The following FRMD3 variants were observed in gnomAD, a reference collection of about 807,000 sequenced individuals.
FRMD3 encodes FERM domain containing 3.
Under a neutral mutation model 70.2 loss-of-function variants are expected in FRMD3, and 33 were observed. That is an observed-to-expected ratio of 0.47 (90% CI 0.36 to 0.63). The LOEUF (loss-of-function observed/expected upper bound fraction) is 0.63. Among genes scored for constraint, FRMD3 ranks in the 20% least tolerant of loss-of-function variants. The pLI is 0.00. For synonymous variants in FRMD3, 279 were observed against 255.9 expected, an observed-to-expected ratio of 1.09 and a Z score of -0.86; for missense variants, 632 against 711.4, an observed-to-expected ratio of 0.89 and a Z score of 1.27.
At chr9:83,402,242 C>T (rs1401267151) in intron 1 of FRMD3, among the ~76,000 whole-genome samples, 2 of 148,422 alleles carry the variant, frequency 1.3e-5, no homozygotes, top group African/African-American at 2.5e-5. Context: ...TCTTAACGCC[C>T]CAGGAGCCTA....
chr9:83,273,609 T>TAAAAAAAAAAAAAAAAAAA (rs899879607), intron 13 of FRMD3, among the ~76,000 whole-genome samples: 2 of 71,334 alleles, frequency 2.8e-5, no homozygotes, highest in African/African-American at 5.3e-5. Flanking sequence ...CAATAAATAC[T>TAAAAAAAAAAAAAAAAAAA]AAAAAAAAAA....
intron 1 of FRMD3, among the ~76,000 whole-genome samples, chr9:83,478,591 A>G (rs1378877179): frequency 2.0e-4 from 31 of 152,170 alleles, no homozygotes; most frequent in Non-Finnish European, 2.9e-5. Context: ...ACAGTATGGC[A>G]CTTCCTCAAA....
At chr9:83,508,879 A>G (rs1829267178) in intron 1 of FRMD3, among the ~76,000 whole-genome samples, 1 of 152,116 alleles carries the variant, frequency 6.6e-6, no homozygotes, top group Non-Finnish European at 1.5e-5. Flanking sequence ...GGCCAAGTCT[A>G]AAATGTGTAC....
At chr9:83,390,268 TG>T (rs1825631301) in intron 1 of FRMD3, among the ~76,000 whole-genome samples, 1 of 152,226 alleles carries the variant, frequency 6.6e-6, no homozygotes. Context: ...CTGCAGTATG[TG>T]GGCTCCTTCC....
the FRMD3 span, among the ~76,000 whole-genome samples, chr9:83,575,334 T>C: frequency 2.6e-5 from 4 of 152,204 alleles, no homozygotes; most frequent in African/African-American, 9.6e-5. Flanking sequence ...TCCAGTCAGC[T>C]TCACTGATAC....
chr9:83,386,330 G>C (rs113061249), intron 2 of FRMD3, among the ~76,000 whole-genome samples: 145 of 152,310 alleles, frequency 9.5e-4, no homozygotes, highest in African/African-American at 2.7e-3. Context: ...ATAATGCAGA[G>C]AGAAGTATTC....
chr9:83,490,629 C>CA (rs1209187976), intron 1 of FRMD3, among the ~76,000 whole-genome samples: 2 of 151,830 alleles, frequency 1.3e-5, no homozygotes, highest in African/African-American at 4.8e-5. Context: ...CTATTTGGCA[C>CA]AAAAAAGATT....
intron 1 of FRMD3, among the ~76,000 whole-genome samples, chr9:83,483,768 G>C (rs1202613835): frequency 6.6e-6 from 1 of 152,144 alleles, no homozygotes; most frequent in Non-Finnish European, 1.5e-5. Flanking sequence ...GCTGAGGTGG[G>C]AGGATCACTT....
upstream of FRMD3, among the ~76,000 whole-genome samples, chr9:83,540,207 C>A (rs912501889): frequency 1.6e-4 from 25 of 152,180 alleles, no homozygotes; most frequent in African/African-American, 6.0e-4. Context: ...ACTGGATCAT[C>A]TCTGCTAGCC....
rs554110729 is a variant in FRMD3 at position 83,345,828 on chromosome 9, A to G, written c.375-2541T>C. On this transcript the variant is annotated intron_variant, in intron 4 of 13. Transcript: ENST00000304195. ...GGGGATGCTGTGGTGCAGCTCCATC[A>G]GCCACACTTTGAGTAATAAGGTTCT... Among the ~76,000 whole-genome samples the G allele has an allele frequency of 7.2e-5, 11 of 152,306 alleles. No homozygotes were observed. In the East Asian group the frequency reaches 2.1e-3, roughly 29 times the overall value.
chr9:83,280,344 C>T (rs1833932010), intron 13 of FRMD3, among the ~76,000 whole-genome samples: 1 of 152,170 alleles, frequency 6.6e-6, no homozygotes, highest in Non-Finnish European at 1.5e-5. Flanking sequence ...AGTCCAGCAC[C>T]TGTGTATATT....
chr9:83,374,700 T>C (rs1206559749), intron 2 of FRMD3, among the ~76,000 whole-genome samples: 1 of 152,222 alleles, frequency 6.6e-6, no homozygotes, highest in African/African-American at 2.4e-5. Context: ...ACACAGTGCA[T>C]GAAATGTGAA....
chr9:83,547,491 T>C, the FRMD3 span, among the ~76,000 whole-genome samples: 1 of 151,894 alleles, frequency 6.6e-6, no homozygotes, highest in Non-Finnish European at 1.5e-5. Flanking sequence ...GATATAACAA[T>C]TCTAAATATA....
chr9:83,383,149 T>C (rs570423837), intron 2 of FRMD3, among the ~76,000 whole-genome samples: 34 of 152,330 alleles, frequency 2.2e-4, no homozygotes, highest in African/African-American at 7.5e-4. Flanking sequence ...GCACCAGGCA[T>C]ATGGATGAAG....
rs1832143071 is a variant in FRMD3 at position 83,247,107 on chromosome 9, C to T, written c.*811G>A. Reference sequence around the variant, plus strand: ...CAGAATACAAATGAAAATAACAAGTCCTCTTGTCCAAATACTTTGAAAAAT... The same window carrying T: ...CAGAATACAAATGAAAATAACAAGTTCTCTTGTCCAAATACTTTGAAAAAT... On this transcript the variant is annotated 3_prime_UTR_variant, in exon 14 of 14. Coordinates refer to ENST00000304195, the MANE Select transcript of FRMD3 (RefSeq NM_174938.6). The T allele has an allele frequency of 1.0e-6, 1 of 985,246 alleles. No individual in the cohort carries two copies. The highest frequency in any genetic ancestry group is 1.7e-5 in the African/African-American group (1 of 57,194). 61.0% of individuals were successfully genotyped at this position (985,246 alleles called of 1,614,324 possible). A position where few individuals can be genotyped will look rare whatever the true frequency, so the allele number is the denominator to read the frequency against.
intron 13 of FRMD3, among the ~76,000 whole-genome samples, chr9:83,269,619 G>C (rs1056524685): frequency 6.6e-6 from 1 of 152,018 alleles, no homozygotes; most frequent in Admixed American, 6.6e-5. Context: ...TGAGGCAGGA[G>C]AATTGCATAA....
the FRMD3 span, among the ~76,000 whole-genome samples, chr9:83,573,289 T>A: frequency 6.6e-6 from 1 of 152,076 alleles, no homozygotes; most frequent in East Asian, 1.9e-4. Flanking sequence ...GAGGAGAAAT[T>A]ATAGTTTTCT....
chr9:83,342,895 C>G (rs1444845300), intron 5 of FRMD3, among the ~76,000 whole-genome samples: 1 of 152,168 alleles, frequency 6.6e-6, no homozygotes, highest in Non-Finnish European at 1.5e-5. Flanking sequence ...CTTATAAACC[C>G]ACCCATTCCA....
Position 83,311,938 on chromosome 9 carries a change from G to A in FRMD3, c.722C>T (p.Ala241Val), listed in dbSNP as rs772250679. 4.3e-6 allele frequency: 7 copies of A among 1,609,306 alleles called. No homozygotes were observed. ...TCCCTGAAAGACCACAAAGCCTGCA[G>A]CTGTGAATCCTAAAAATGTTGTTGT... ...TGTTTFLGFT[A>V]AGFVVFQGNK... The change falls in exon 8 of 14, where the codon GCT becomes GTT. Residue 241 changes from alanine to valine, a missense_variant. Physicochemically the swap from Ala to Val is moderately conservative, Grantham distance 64 (BLOSUM62 0). This residue lies in a region of FRMD3 where 418 missense variants were observed against 442.1 expected (regional missense o/e 0.95). Coordinates refer to ENST00000304195, the MANE Select transcript of FRMD3 (RefSeq NM_174938.6).
Sources: gnomAD v4.1 joint callset for allele counts (sites outside exome capture counted in the v4.1 genomes callset) on GRCh38, gnomAD v4.1.1 for gene constraint, gnomAD v4.1.1 regional missense constraint, MANE v1.5 for transcripts, NCBI Gene and HGNC (gene_info 2026-07-23, HGNC 2026-07-21) for gene names.